The following LTBP4 variants were observed in gnomAD, a reference collection of about 807,000 sequenced individuals.
LTBP4 encodes latent-transforming growth factor beta-binding protein 4.
LTBP4 carries 93 observed loss-of-function variants against 180.2 expected under a neutral mutation model. The observed-to-expected ratio is 0.52, with a 90% CI of 0.44 to 0.61. LTBP4 has a LOEUF of 0.61. LTBP4 is among the 20% of genes least tolerant of loss of function. LTBP4 has a pLI of 0.00. For synonymous variants in LTBP4, 947 were observed against 934.5 expected (o/e 1.01, Z -0.24); for missense variants, 2,116 against 2,256.5 (o/e 0.94, Z 1.26).
intron 26 of LTBP4, among the ~76,000 whole-genome samples, chr19:40,625,625 TC>T (rs2081628234): frequency 6.6e-6 from 1 of 152,074 alleles, no homozygotes; most frequent in Non-Finnish European, 1.5e-5. Flanking sequence ...AGGCCCTACC[TC>T]CCAGTCATTG....
rs559351690 is a variant in LTBP4 at position 40,617,222 on chromosome 19, G to T, written c.3067G>T (p.Val1023Leu). Reference protein sequence around the residue: ...YEGARDGRHCVDVNECETLQG... With the variant: ...YEGARDGRHCLDVNECETLQG... ...GGGGGCACGGGATGGGCGTCACTGC[G>T]TGGGTACGGGACTTCAGGAGGTGGA... is the stretch of plus-strand genomic sequence containing the variant. Residue 1023 changes from valine to leucine, a missense_variant, in exon 21 of 30, where the codon GTG (valine) becomes TTG (leucine). Physicochemically the swap from Val to Leu is conservative, Grantham distance 32 (BLOSUM62 1). Around this residue, in one of 5 missense-constraint regions of LTBP4, gnomAD observed 278 missense variants for 373.0 expected, o/e 0.75. Coordinates refer to ENST00000396819, the MANE Select transcript of LTBP4 (RefSeq NM_001042545.2). The T allele has an allele frequency of 1.2e-6, 2 of 1,613,342 alleles. No homozygotes were observed. Among genetic ancestry groups the T allele is most frequent in the Admixed American group, 1.7e-5 (1 of 59,944 alleles).
Position 40,611,500 on chromosome 19 carries a change from A to G in LTBP4, c.2053+106A>G, listed in dbSNP as rs2081506237. 2 of 1,470,486 alleles carry G rather than the reference A, an allele frequency of 1.4e-6. No individual in the cohort carries two copies. Among genetic ancestry groups the G allele is most frequent in the African/African-American group, 1.4e-5 (1 of 71,342 alleles). The allele number at this position is 1,470,486 out of a possible 1,614,324, so 91.1% of individuals were successfully genotyped here. A position where few individuals can be genotyped will look rare whatever the true frequency, so the allele number is the denominator to read the frequency against. Reference sequence around the variant, plus strand: ...GAGTGATGGGGCTCAGGGATGGAGAACAGGGGCTGAGGGATGGGGACCTCA... The same window carrying G: ...GAGTGATGGGGCTCAGGGATGGAGAGCAGGGGCTGAGGGATGGGGACCTCA... On this transcript the variant is annotated intron_variant, in intron 13 of 29. Transcript: ENST00000396819. The surrounding 1 kb of genome is among the most constrained non-coding windows in gnomAD (Gnocchi z 4.4).
At chr19:40,614,153 C>T in intron 18 of LTBP4, 115 bp downstream of exon 18, 1 of 1,488,254 alleles carries the variant, frequency 6.7e-7, no homozygotes, top group South Asian at 1.2e-5. Context: ...CCTCTTTCCC[C>T]CGCCTCCTCT....
Position 40,606,501 on chromosome 19 carries a change from C to G in LTBP4, c.966C>G (p.Leu322=), listed in dbSNP as rs1437364308. ...GTGTGTGCCCCGACGGCTTTCTGCTCGACTCGTCCCGCAGCAGCTGCATCT... is the reference window on the plus strand; with the variant it reads ...GTGTGTGCCCCGACGGCTTTCTGCTGGACTCGTCCCGCAGCAGCTGCATCT... ...YTCVCPDGFL[L]DSSRSSCISQ... The change falls in exon 6 of 30, where the codon CTC becomes CTG. Residue 322 remains leucine (L), a synonymous_variant. Transcript: ENST00000396819. 1.3e-6 allele frequency: 2 copies of G among 1,571,270 alleles called. No homozygotes were observed. Among genetic ancestry groups the G allele is most frequent in the African/African-American group, 2.7e-5 (2 of 73,792 alleles).
intron 25 of LTBP4, 28 bp downstream of exon 25, chr19:40,623,760 G>T (rs1292495535): frequency 1.2e-6 from 2 of 1,610,610 alleles, no homozygotes; most frequent in African/African-American, 2.7e-5. Flanking sequence ...CCCAACCCCC[G>T]GCAACTCTCT....
Position 40,629,104 on chromosome 19 carries a change from C to T in LTBP4, c.4520-292C>T, listed in dbSNP as rs891525152. Among the ~76,000 whole-genome samples, 22 of 152,186 alleles carry T rather than the reference C, an allele frequency of 1.4e-4. No homozygotes were observed. Among genetic ancestry groups the T allele is most frequent in the Admixed American group, 1.3e-4 (2 of 15,270 alleles). The stretch of plus-strand genomic sequence containing the variant: ...CCTCAAGTGATCCACCCGCCTCAGC[C>T]TCCCAAAGTGCTGAGATTACAGGCA... On this transcript the variant is annotated intron_variant, in intron 29 of 29. Transcript: ENST00000396819. The surrounding 1 kb of genome is among the most constrained non-coding windows in gnomAD (Gnocchi z 4.5).
chr19:40,625,281 TA>T (rs1568414368), intron 26 of LTBP4, among the ~76,000 whole-genome samples: 152 of 9,808 alleles, frequency 0.015, 37 homozygotes, highest in Admixed American at 0.029. Context: ...TATATATATA[TA>T]TATATATATA....
chr19:40,626,317 G>C (rs2081633514), intron 27 of LTBP4, among the ~76,000 whole-genome samples: 1 of 152,038 alleles, frequency 6.6e-6, no homozygotes, highest in African/African-American at 2.4e-5. Context: ...CAGCCTATGA[G>C]ATGTCCTCCC....
intron 19 of LTBP4, chr19:40,615,361 G>C (rs1171656739): frequency 6.6e-6 from 1 of 152,210 alleles, no homozygotes; most frequent in Non-Finnish European, 1.5e-5. Flanking sequence ...CCTACTCTAT[G>C]CCAGCGTCTG....
chr19:40,614,317 G>T lies in LTBP4; in HGVS notation c.2683G>T (p.Val895Leu). Residue 895 changes from valine (V) to leucine (L), a missense_variant and splice_region_variant, in exon 19 of 30, where the codon GTG becomes TTG. Coordinates refer to ENST00000396819, the MANE Select transcript of LTBP4 (RefSeq NM_001042545.2). ...AGPDLASCLD[V>L]DECRERGPAL... Reference sequence around the variant, plus strand: ...GACCACCCGACCTCTCTCCTCAGACGTGGACGAATGTCGCGAGCGAGGCCC... The same window carrying T: ...GACCACCCGACCTCTCTCCTCAGACTTGGACGAATGTCGCGAGCGAGGCCC... 6.3e-7 allele frequency: 1 copy of T among 1,598,788 alleles called. No individual in the cohort carries two copies.
Position 40,609,603 on chromosome 19 carries a change from C to T in LTBP4, c.1500C>T (p.Gly500=), listed in dbSNP as rs984003659. Residue 500 remains glycine, a synonymous_variant, in exon 10 of 30, where the codon GGC becomes GGT. Transcript: ENST00000396819. This position sits in a 1 kb window ranked among gnomAD's most constrained non-coding sequence, Gnocchi z 4.9. ...GPGRCISRPS[G]YTCACDSGFR... is the part of the protein sequence containing the mutation. ...GACGCTGCATTTCCCGGCCCAGCGGCTACACCTGCGCTTGCGACTCTGGCT... is the reference window on the plus strand; with the variant it reads ...GACGCTGCATTTCCCGGCCCAGCGGTTACACCTGCGCTTGCGACTCTGGCT... 6.2e-7 allele frequency: 1 copy of T among 1,613,454 alleles called. No individual in the cohort carries two copies.
intron 1 of LTBP4, among the ~76,000 whole-genome samples, chr19:40,604,483 G>A (rs773779669): frequency 6.6e-6 from 1 of 152,160 alleles, no homozygotes; most frequent in Admixed American, 6.5e-5. Flanking sequence ...GGTCAGCGCC[G>A]TCTGGGCTGG....
At chr19:40,599,642 TCC>T, upstream of LTBP4, 3 of 1,243,810 alleles carry the variant, frequency 2.4e-6, no homozygotes, top group Non-Finnish European at 3.4e-6. Context: ...CCTTCCCCTC[TCC>T]CTCTCTCTCC....
At chr19:40,597,134 G>T, upstream of LTBP4, 1 of 1,109,342 alleles carries the variant, frequency 9.0e-7, no homozygotes, top group Non-Finnish European at 1.1e-6. Flanking sequence ...AAAGTGAGTC[G>T]GCCTCGGGCG....
At chr19:40,625,236 T>C (rs1380744304) in intron 26 of LTBP4, among the ~76,000 whole-genome samples, 1 of 117,780 alleles carries the variant, frequency 8.5e-6, no homozygotes, top group Non-Finnish European at 1.8e-5. Context: ...CCACCAAGCC[T>C]GGCTAATTTT....
chr19:40,608,466 A>G lies in LTBP4; in HGVS notation c.1307-18A>G. The G allele has an allele frequency of 6.3e-7, 1 of 1,596,110 alleles. No homozygotes were observed. The highest frequency in any genetic ancestry group is 8.5e-7 in the Non-Finnish European group (1 of 1,171,562). On this transcript the variant is annotated intron_variant, in intron 8 of 29. Coordinates refer to ENST00000396819, the MANE Select transcript of LTBP4 (RefSeq NM_001042545.2). ...GAGAGGATTTGGGCTCCACTCGTTG[A>G]TACCCCTTCTTTATCAGGCTTTCTG...
chr19:40,614,031 C>T lies in LTBP4; in HGVS notation c.2673C>T (p.Ser891=). The T allele has an allele frequency of 6.2e-7, 1 of 1,612,770 alleles. No individual in the cohort carries two copies. The highest frequency in any genetic ancestry group is 1.1e-5 in the South Asian group (1 of 91,038). ...ACCGCGCTGGCCCGGACCTCGCCTC[C>T]TGCCTCGGTGAGAGGCCCCGCCCCG... ...PGHRAGPDLA[S]CLDVDECRER... is the part of the protein sequence containing the mutation. The change falls in exon 18 of 30, where the codon TCC becomes TCT. Residue 891 remains serine, a synonymous_variant. Coordinates refer to ENST00000396819, the MANE Select transcript of LTBP4 (RefSeq NM_001042545.2).
Position 40,617,187 on chromosome 19 carries a change from A to C in LTBP4, c.3032A>C (p.Gln1011Pro). 1 of 1,612,886 alleles carries C rather than the reference A, an allele frequency of 6.2e-7. No homozygotes were observed. Among genetic ancestry groups the C allele is most frequent in the Admixed American group, 1.7e-5 (1 of 59,948 alleles). The change falls in exon 21 of 30, where the codon CAG becomes CCG. Residue 1011 changes from glutamine (Q) to proline (P), a missense_variant. Around this residue, in one of 5 missense-constraint regions of LTBP4, gnomAD observed 278 missense variants for 373.0 expected, o/e 0.75. Coordinates refer to ENST00000396819, the MANE Select transcript of LTBP4 (RefSeq NM_001042545.2). ...LPGSFQCLCD[Q>P]GYEGARDGRH... Reference sequence around the variant, plus strand: ...GGCTCCTTCCAGTGCCTCTGTGACCAGGGTTACGAGGGGGCACGGGATGGG... The same window carrying C: ...GGCTCCTTCCAGTGCCTCTGTGACCCGGGTTACGAGGGGGCACGGGATGGG...
chr19:40,608,846 G>T (rs1394493509), intron 9 of LTBP4: 2 of 394,320 alleles, frequency 5.1e-6, no homozygotes, highest in Admixed American at 7.9e-5. Context: ...AGGAGGCAGA[G>T]GTTGCAGTGA....
Sources: allele counts gnomAD v4.1 joint callset (sites outside exome capture counted in the v4.1 genomes callset), GRCh38; gene constraint gnomAD v4.1.1; regional missense constraint gnomAD v4.1.1; non-coding constraint Gnocchi (gnomAD v3.1); transcripts MANE v1.5; gene names NCBI Gene and HGNC (gene_info 2026-07-23, HGNC 2026-07-21).